SLC39A14: variants seen among roughly 807,000 people sequenced by gnomAD.
The protein encoded by SLC39A14 is solute carrier family 39 member 14.
Under a neutral mutation model 45.5 loss-of-function variants are expected in SLC39A14, and 19 were observed. The ratio of observed to expected loss-of-function variants is 0.42; its 90% CI spans 0.29 to 0.61. The LOEUF (loss-of-function observed/expected upper bound fraction) is 0.61, where lower values mean the gene tolerates loss of function less well. SLC39A14 is among the 20% of genes least tolerant of loss of function. The pLI, the probability that SLC39A14 is intolerant of heterozygous loss-of-function variation, is 0.22. For missense variants in SLC39A14, 447 were observed against 616.5 expected (o/e 0.73, Z 2.91); for synonymous variants, 264 against 251.3 (o/e 1.05, Z -0.48).
At position 22,368,693 on chromosome 8, in the gene SLC39A14, T is replaced by C. The variant is rs942342407; in HGVS notation, c.-16+1285T>C. 2.4e-4 allele frequency among the ~76,000 whole-genome samples: 36 copies of C among 151,892 alleles called. 1 individual carries two copies. The highest frequency in any genetic ancestry group is 2.2e-3 in the Admixed American group (34 of 15,252). On this transcript the variant is annotated intron_variant, in intron 1 of 8. Coordinates refer to ENST00000381237, the MANE Select transcript of SLC39A14 (RefSeq NM_001128431.4). ...CTGGGACTACAGGCGCGTGCCACCA[T>C]GCCCGGCTAATTTTTTGTATTTTTA...
chr8:22,408,354 G>A lies in SLC39A14; in HGVS notation c.315G>A (p.Glu105=), dbSNP rs900263790. 2 of 1,614,094 alleles carry A rather than the reference G, an allele frequency of 1.2e-6. No individual in the cohort carries two copies. The highest frequency in any genetic ancestry group is 8.5e-7 in the Non-Finnish European group (1 of 1,180,042). The change falls in exon 3 of 9, where the codon GAG becomes GAA. Residue 105 remains glutamate (E), a synonymous_variant. Coordinates refer to ENST00000381237, the MANE Select transcript of SLC39A14 (RefSeq NM_001128431.4). The part of the protein sequence containing the change: ...GDLFTAHNFS[E]QSRIGSSELQ... ...TCTTCACTGCCCACAATTTCAGCGA[G>A]CAGTCGCGGATTGGGAGCAGCGAGC...
In SLC39A14 at chr8:22,421,838, C is replaced by T; in HGVS notation, c.*2140C>T. ...AGGAGCTCAAAACTATAATCTTTAA[C>T]AAATTGAAAAATGAAATAGGGTGTT... On this transcript the variant is annotated 3_prime_UTR_variant, in exon 9 of 9. Transcript: ENST00000381237. The T allele has an allele frequency of 6.1e-6, 6 of 985,300 alleles. No individual in the cohort carries two copies. Among genetic ancestry groups the T allele is most frequent in the Non-Finnish European group, 7.2e-6 (6 of 829,848 alleles). The allele number at this position is 985,300 out of a possible 1,614,324, so 61.0% of individuals were successfully genotyped here.
chr8:22,401,539 C>CTTTTTTTTTTTTTTTTT lies in SLC39A14; in HGVS notation c.-15-3154_-15-3153insTTTTTTTTTTTTTTTTT, dbSNP rs1478354009. Reference sequence around the variant, plus strand: ...CTTTCTGTCTTTCTCTTTCTCTTCTCTTTCTTTTTTTTTTTTTTTTTTTTT... The same window carrying CTTTTTTTTTTTTTTTTT: ...CTTTCTGTCTTTCTCTTTCTCTTCTCTTTTTTTTTTTTTTTTTTTTCTTTTTTTTTTTTTTTTTTTTT... On this transcript the variant is annotated intron_variant, in intron 1 of 8. Coordinates refer to ENST00000381237, the MANE Select transcript of SLC39A14 (RefSeq NM_001128431.4). Among the ~76,000 whole-genome samples the CTTTTTTTTTTTTTTTTT allele has an allele frequency of 1.7e-5, 2 of 115,716 alleles. 1 individual carries two copies. Among genetic ancestry groups the CTTTTTTTTTTTTTTTTT allele is most frequent in the African/African-American group, 6.8e-5 (2 of 29,610 alleles). 75.9% of individuals were successfully genotyped at this position (115,716 alleles called of 152,430 possible).
intron 1 of SLC39A14, among the ~76,000 whole-genome samples, chr8:22,386,980 T>C (rs909291014): frequency 6.6e-6 from 1 of 152,066 alleles, no homozygotes; most frequent in Non-Finnish European, 1.5e-5. Flanking sequence ...AAGACCAGGC[T>C]GGGCAATAGG....
intron 5 of SLC39A14, 159 bp downstream of exon 5, chr8:22,415,061 A>G: frequency 1.1e-6 from 1 of 898,304 alleles, no homozygotes; most frequent in Non-Finnish European, 1.6e-6. Context: ...TCACCTCCTG[A>G]GGATATTTGG....
Position 22,381,589 on chromosome 8 carries a change from A to G in SLC39A14, c.-16+14181A>G, listed in dbSNP as rs183309705. Among the ~76,000 whole-genome samples the G allele has an allele frequency of 8.5e-5, 13 of 152,334 alleles. 1 individual carries two copies. The highest frequency in any genetic ancestry group is 8.5e-4 in the Admixed American group (13 of 15,302). ...CCGGCCCCTAAATTTTTTTAAATGC[A>G]AGAAAACACGGCTGTATATGCCTAT... is the stretch of plus-strand genomic sequence containing the variant. On this transcript the variant is annotated intron_variant, in intron 1 of 8. Coordinates refer to ENST00000381237, the MANE Select transcript of SLC39A14 (RefSeq NM_001128431.4).
intron 1 of SLC39A14, among the ~76,000 whole-genome samples, chr8:22,383,367 A>G (rs1267247562): frequency 6.6e-6 from 1 of 152,114 alleles, no homozygotes. Flanking sequence ...CCGCACAGGG[A>G]TTACTGGGCT....
At chr8:22,425,443 A>G (rs1278823975), downstream of SLC39A14, among the ~76,000 whole-genome samples, 1 of 152,104 alleles carries the variant, frequency 6.6e-6, no homozygotes, top group Non-Finnish European at 1.5e-5. Flanking sequence ...GGCAAAACCC[A>G]CTTCAAGAAA....
chr8:22,421,038 A>G lies in SLC39A14; in HGVS notation c.*1340A>G. 1.0e-6 allele frequency: 1 copy of G among 985,874 alleles called. No homozygotes were observed. Among genetic ancestry groups the G allele is most frequent in the Non-Finnish European group, 1.2e-6 (1 of 829,942 alleles). 61.1% of individuals were successfully genotyped at this position (985,874 alleles called of 1,614,324 possible). ...CCCTTGCCTCCGAGCTCTGGCTTCA[A>G]GGGGAGCTCTTCTCCAGGTTCACTA... On this transcript the variant is annotated 3_prime_UTR_variant, in exon 9 of 9. Transcript: ENST00000381237.
chr8:22,430,123 A>G (rs1836445047), intron 8 of SLC39A14, among the ~76,000 whole-genome samples: 1 of 152,228 alleles, frequency 6.6e-6, no homozygotes, highest in Non-Finnish European at 1.5e-5. Flanking sequence ...ACTTCGGGAA[A>G]GGAGAAGACA....
At position 22,420,082 on chromosome 8, in the gene SLC39A14, T is replaced by G; in HGVS notation, c.*384T>G. ...ATAGAGCCAATGGTTATAACTTGGC[T>G]AGAAATATCAAGAGTTGAATCCATA... On this transcript the variant is annotated 3_prime_UTR_variant, in exon 9 of 9. Transcript: ENST00000381237. 2.0e-6 allele frequency: 2 copies of G among 995,754 alleles called. No homozygotes were observed. Among genetic ancestry groups the G allele is most frequent in the Non-Finnish European group, 2.4e-6 (2 of 836,706 alleles). 61.7% of individuals were successfully genotyped at this position (995,754 alleles called of 1,614,324 possible).
chr8:22,398,237 G>C (rs550975050), intron 1 of SLC39A14: 1 of 152,272 alleles, frequency 6.6e-6, no homozygotes, highest in South Asian at 2.1e-4. Context: ...TAAGTAAAAT[G>C]CTTAATAAAA....
chr8:22,377,630 C>G (rs907588591), intron 1 of SLC39A14, among the ~76,000 whole-genome samples: 4 of 152,194 alleles, frequency 2.6e-5, no homozygotes, highest in Admixed American at 2.6e-4. Context: ...TGACTTCTTT[C>G]TCCAACAGTG....
chr8:22,417,710 T>C lies in SLC39A14; in HGVS notation c.1207T>C (p.Phe403Leu). 10 of 1,614,172 alleles carry C rather than the reference T, an allele frequency of 6.2e-6. No homozygotes were observed. Among genetic ancestry groups the C allele is most frequent in the Non-Finnish European group, 7.6e-6 (9 of 1,180,016 alleles). ...CATCCAACAAGCTCTCTTCTTCAAC[T>C]TCCTTTCTGCCTGCTGCTGCTACCT... is the stretch of plus-strand genomic sequence containing the variant. ...MSIQQALFFN[F>L]LSACCCYLGL... Residue 403 changes from phenylalanine (F) to leucine (L), a missense_variant, in exon 8 of 9, where the codon TTC (phenylalanine) becomes CTC (leucine). Around this residue, in one of 2 missense-constraint regions of SLC39A14, gnomAD observed 105 missense variants for 188.4 expected, o/e 0.56. Transcript: ENST00000381237.
At chr8:22,433,910 C>T in exon 9 of SLC39A14, 2 of 404,282 alleles carry the variant, frequency 4.9e-6, no homozygotes, top group South Asian at 1.8e-5. Flanking sequence ...TGCTCTGTTG[C>T]CCAGGCTGGA....
chr8:22,398,833 A>T lies in SLC39A14; in HGVS notation c.-15-5863A>T, dbSNP rs546402692. On this transcript the variant is annotated intron_variant, in intron 1 of 8. Transcript: ENST00000381237. Reference sequence around the variant, plus strand: ...TTCCAATTATGGGCCTCTGGATGGTAAGGCAACTTCTGCGCTTCCATAGAG... The same window carrying T: ...TTCCAATTATGGGCCTCTGGATGGTTAGGCAACTTCTGCGCTTCCATAGAG... 173 of 810,150 alleles carry T rather than the reference A, an allele frequency of 2.1e-4. No homozygotes were observed. The African/African-American group carries it at 3.0e-3, about 14-fold the overall frequency. The allele number at this position is 810,150 out of a possible 1,614,324, so 50.2% of individuals were successfully genotyped here.
chr8:22,371,869 C>T (rs1281904183), intron 1 of SLC39A14, among the ~76,000 whole-genome samples: 1 of 151,486 alleles, frequency 6.6e-6, no homozygotes, highest in East Asian at 1.9e-4. Context: ...CTCAGCTTCC[C>T]GAGTAGCTAG....
chr8:22,420,743 G>A lies in SLC39A14; in HGVS notation c.*1045G>A, dbSNP rs1214966489. The A allele has an allele frequency of 3.0e-6, 3 of 985,260 alleles. No homozygotes were observed. The highest frequency in any genetic ancestry group is 1.7e-5 in the African/African-American group (1 of 57,216). The allele number at this position is 985,260 out of a possible 1,614,324, so 61.0% of individuals were successfully genotyped here. ...TCAGTGCAGGCAAAATTTAGGATTT[G>A]CCGCTTCCATAAATCAAAGCATGAC... On this transcript the variant is annotated 3_prime_UTR_variant, in exon 9 of 9. Coordinates refer to ENST00000381237, the MANE Select transcript of SLC39A14 (RefSeq NM_001128431.4).
In SLC39A14 at chr8:22,387,499, G is replaced by A. The variant is rs150119959; in HGVS notation, c.-15-17197G>A. On this transcript the variant is annotated intron_variant, in intron 1 of 8. Coordinates refer to ENST00000381237, the MANE Select transcript of SLC39A14 (RefSeq NM_001128431.4). ...TAGGCAGGCAGGCAGTTTGCAGGACGTGGAGGAGTGAAAGGGCAAGTGGAA... is the reference window on the plus strand; with the variant it reads ...TAGGCAGGCAGGCAGTTTGCAGGACATGGAGGAGTGAAAGGGCAAGTGGAA... Among the ~76,000 whole-genome samples the A allele has an allele frequency of 2.2e-3, 339 of 152,300 alleles. 2 individuals are homozygous for A. The highest frequency in any genetic ancestry group is 4.2e-3 in the Non-Finnish European group (286 of 68,024).
Sources: gnomAD v4.1 joint callset for allele counts (sites outside exome capture counted in the v4.1 genomes callset) on GRCh38, gnomAD v4.1.1 for gene constraint, gnomAD v4.1.1 regional missense constraint, MANE v1.5 for transcripts, NCBI Gene and HGNC (gene_info 2026-07-23, HGNC 2026-07-21) for gene names.